Variants in ABCA1 observed in about 807,000 individuals in gnomAD.
The protein encoded by ABCA1 is ATP binding cassette subfamily A member 1.
In ABCA1, 133 loss-of-function variants were observed where a neutral mutation model predicts 262.5. That is an observed-to-expected ratio of 0.51 (90% CI 0.44 to 0.59). ABCA1 has a LOEUF of 0.59. Among genes scored for constraint, ABCA1 ranks in the 20% least tolerant of loss-of-function variants. The pLI, the probability that ABCA1 is intolerant of heterozygous loss-of-function variation, is 0.00. For synonymous variants in ABCA1, 1,022 were observed against 1,043.5 expected, an observed-to-expected ratio of 0.98 and a Z score of 0.40; for missense variants, 2,452 against 2,777.5, an observed-to-expected ratio of 0.88 and a Z score of 2.63.
At position 104,783,417 on chromosome 9, in the gene ABCA1, G is replaced by A. The variant is rs1056929833; in HGVS notation, c.*898C>T. On this transcript the variant is annotated 3_prime_UTR_variant, in exon 50 of 50. Transcript: ENST00000374736. ...TGTTAGCAGACAGTCAGGACAAATG[G>A]GCACAGGCTTCCCTAGGTTTGAACG... The A allele has an allele frequency of 1.3e-5, 2 of 152,170 alleles. No individual in the cohort carries two copies. Among genetic ancestry groups the A allele is most frequent in the East Asian group, 3.8e-4 (2 of 5,200 alleles). The allele number at this position is 152,170 out of a possible 1,614,324, so 9.4% of individuals were successfully genotyped here.
intron 2 of ABCA1, among the ~76,000 whole-genome samples, chr9:104,902,024 C>G (rs1026182423): frequency 1.6e-4 from 24 of 152,160 alleles, no homozygotes; most frequent in African/African-American, 5.1e-4. Context: ...AGATTCCAGT[C>G]CCTGTTCTCT....
At chr9:104,842,003 A>AGG (rs1334029049) in intron 8 of ABCA1, among the ~76,000 whole-genome samples, 1 of 152,162 alleles carries the variant, frequency 6.6e-6, no homozygotes, top group Non-Finnish European at 1.5e-5. Context: ...CACAGAGGGG[A>AGG]GGGGAAGGGC....
At chr9:104,815,494 A>G (rs1831660952) in intron 25 of ABCA1, among the ~76,000 whole-genome samples, 3 of 152,182 alleles carry the variant, frequency 2.0e-5, no homozygotes, top group Non-Finnish European at 2.9e-5. Context: ...TAAAGAGAGG[A>G]TGGACTTTGA....
rs780226263 is a variant in ABCA1, at chr9:104,840,366, TG to T, written c.966del (p.Asn323ThrfsTer36). On this transcript the variant is annotated frameshift_variant, in exon 9 of 50. Coordinates refer to ENST00000374736, the MANE Select transcript of ABCA1 (RefSeq NM_005502.4). LOFTEE classifies it high-confidence loss of function. ...PEGGGLKIKSLNWYEDNNYKA... is the reference protein window; with the variant it reads ...PEGGGLKIKSXNWYEDNNYKA... ...TTGTAGTTGTTGTCCTCATACCAGT[TG>T]AGAGACTTGATCTTCAGCCCCCCTC... 1 of 1,614,190 alleles carries T rather than the reference TG, an allele frequency of 6.2e-7. No homozygotes were observed. The highest frequency in any genetic ancestry group is 8.5e-7 in the Non-Finnish European group (1 of 1,180,038).
chr9:104,879,086 GAAAGA>G (rs920904204), intron 5 of ABCA1, among the ~76,000 whole-genome samples: 12 of 150,654 alleles, frequency 8.0e-5, no homozygotes, highest in African/African-American at 1.5e-4. Flanking sequence ...AAAAAAAAAA[GAAAGA>G]AAAGAAAAGA....
rs1830203885 is a variant in ABCA1 at position 104,800,080 on chromosome 9, G to C, written c.4774-92C>G. 6 of 1,434,100 alleles carry C rather than the reference G, an allele frequency of 4.2e-6. No homozygotes were observed. In the South Asian group the frequency reaches 6.9e-5, roughly 17 times the overall value. 88.8% of individuals were successfully genotyped at this position (1,434,100 alleles called of 1,614,324 possible). A position where few individuals can be genotyped will look rare whatever the true frequency, so the allele number is the denominator to read the frequency against. ...CCACCAACCATGCCCATAAACCTCA[G>C]AAAGAAATTCTAGTCACATACCAAG... On this transcript the variant is annotated intron_variant, in intron 35 of 49. Transcript: ENST00000374736.
chr9:104,838,927 G>T (rs982815308), intron 9 of ABCA1, among the ~76,000 whole-genome samples: 2 of 151,908 alleles, frequency 1.3e-5, no homozygotes, highest in African/African-American at 4.8e-5. Flanking sequence ...AATTAAAGTT[G>T]CCTACAATAC....
intron 7 of ABCA1, among the ~76,000 whole-genome samples, chr9:104,853,436 G>T (rs954597400): frequency 3.3e-5 from 5 of 152,180 alleles, no homozygotes; most frequent in African/African-American, 1.2e-4. Context: ...CAGTGAAACT[G>T]GAACGAGGAC....
chr9:104,862,631 T>TGCCGGGCCGG (rs1171336047), intron 5 of ABCA1, among the ~76,000 whole-genome samples: 3 of 22,938 alleles, frequency 1.3e-4, no homozygotes, highest in Admixed American at 5.2e-4. Flanking sequence ...AAATGCAGAC[T>TGCCGGGCCGG]GCCGGGCCGG....
intron 47 of ABCA1, 144 bp downstream of exon 47, chr9:104,786,729 G>A: frequency 1.3e-6 from 1 of 798,614 alleles, no homozygotes; most frequent in Middle Eastern, 2.5e-4. Flanking sequence ...TTGCATTTTT[G>A]TAAGAATATG....
At chr9:104,897,460 A>G (rs1840320761) in intron 2 of ABCA1, among the ~76,000 whole-genome samples, 1 of 152,246 alleles carries the variant, frequency 6.6e-6, no homozygotes, top group Non-Finnish European at 1.5e-5. Flanking sequence ...TATTTGTAAC[A>G]GCACACATGG....
chr9:104,800,469 T>C (rs961026983), intron 35 of ABCA1, 41 bp downstream of exon 35: 2 of 1,561,046 alleles, frequency 1.3e-6, no homozygotes, highest in African/African-American at 2.7e-5. Flanking sequence ...ATAAGGATTA[T>C]TGTTCATCAA....
intron 5 of ABCA1, among the ~76,000 whole-genome samples, chr9:104,867,220 A>C (rs986485202): frequency 6.6e-6 from 1 of 152,216 alleles, no homozygotes; most frequent in Non-Finnish European, 1.5e-5. Flanking sequence ...AGCTAGAAGC[A>C]GAGTGGGGAA....
At chr9:104,894,492 G>A (rs1475154552) in intron 2 of ABCA1, among the ~76,000 whole-genome samples, 1 of 152,212 alleles carries the variant, frequency 6.6e-6, no homozygotes, top group Admixed American at 6.5e-5. Context: ...AGGGTTGTGA[G>A]TGCTTTATAC....
intron 5 of ABCA1, among the ~76,000 whole-genome samples, chr9:104,862,639 CGGG>C (rs1564197789): frequency 0.012 from 66 of 5,384 alleles, 3 homozygotes; most frequent in South Asian, 0.043. Flanking sequence ...ACTGCCGGGC[CGGG>C]CCGGGCCGGG....
chr9:104,831,183 C>T (rs1244886864), intron 13 of ABCA1, 82 bp from the exon 14 acceptor site: 2 of 1,294,434 alleles, frequency 1.5e-6, no homozygotes, highest in African/African-American at 1.5e-5. Flanking sequence ...GCCCAAAACC[C>T]TACTACCCTT....
rs146157354 is a variant in ABCA1, at chr9:104,919,845, G to T, written c.-93+8090C>A. On this transcript the variant is annotated intron_variant, in intron 1 of 49. Transcript: ENST00000374736. ...TCATTCACTCAAAGCAGGTAAATAG[G>T]AAATTTCAACAGCTTCCTCTCCTCC... is the stretch of plus-strand genomic sequence containing the variant. 2.1e-3 allele frequency among the ~76,000 whole-genome samples: 325 copies of T among 152,232 alleles called. 1 individual carries two copies. The highest frequency in any genetic ancestry group is 6.8e-3 in the Middle Eastern group (2 of 294).
At chr9:104,919,971 C>T (rs967359594) in intron 1 of ABCA1, among the ~76,000 whole-genome samples, 1 of 152,212 alleles carries the variant, frequency 6.6e-6, no homozygotes, top group African/African-American at 2.4e-5. Context: ...GTATGTTACA[C>T]TAATGCCCAG....
At chr9:104,894,179 A>G (rs1840008539) in intron 2 of ABCA1, among the ~76,000 whole-genome samples, 1 of 152,228 alleles carries the variant, frequency 6.6e-6, no homozygotes, top group African/African-American at 2.4e-5. Flanking sequence ...ATGCCACTTA[A>G]AAGAAACCTA....
Sources: gnomAD v4.1 joint callset for allele counts (sites outside exome capture counted in the v4.1 genomes callset) on GRCh38, gnomAD v4.1.1 for gene constraint, MANE v1.5 for transcripts, NCBI Gene and HGNC (gene_info 2026-07-23, HGNC 2026-07-21) for gene names.